EPN2: variants seen among roughly 807,000 people sequenced by gnomAD.
EPN2 encodes epsin 2.
Under a neutral mutation model 61.7 loss-of-function variants are expected in EPN2, and 34 were observed. The ratio of observed to expected loss-of-function variants is 0.55; its 90% CI spans 0.42 to 0.73. The LOEUF is 0.73. EPN2 is among the 30% of genes least tolerant of loss of function. The pLI is 0.00. For synonymous variants in EPN2, 349 were observed against 353.6 expected, an observed-to-expected ratio of 0.99 and a Z score of 0.15; for missense variants, 714 against 839.2, an observed-to-expected ratio of 0.85 and a Z score of 1.84.
intron 4 of EPN2, among the ~76,000 whole-genome samples, chr17:19,300,488 GTGCAATCTCGGCTCAC>G (rs1905433483): frequency 7.1e-6 from 1 of 140,702 alleles, no homozygotes; most frequent in Non-Finnish European, 1.5e-5. Flanking sequence ...GAGTGCAGTG[GTGCAATCTCGGCTCAC>G]TGCAGCCTCC....
At chr17:19,259,935 A>G (rs1038845191) in intron 1 of EPN2, among the ~76,000 whole-genome samples, 2 of 152,188 alleles carry the variant, frequency 1.3e-5, no homozygotes, top group Non-Finnish European at 2.9e-5. Context: ...TGCCTGTTGC[A>G]TACCCACCTC....
chr17:19,321,335 C>A (rs1381158631), intron 7 of EPN2, among the ~76,000 whole-genome samples: 1 of 152,202 alleles, frequency 6.6e-6, no homozygotes, highest in African/African-American at 2.4e-5. Context: ...CTGGTGCCCA[C>A]CTCATAGTCC....
intron 1 of EPN2, among the ~76,000 whole-genome samples, chr17:19,269,498 AT>A (rs1234989859): frequency 6.6e-6 from 1 of 152,228 alleles, no homozygotes; most frequent in Non-Finnish European, 1.5e-5. Flanking sequence ...AAGAGGCATC[AT>A]TTCTTGAGGA....
At chr17:19,325,527 C>T (rs2152237730) in intron 7 of EPN2, among the ~76,000 whole-genome samples, 1 of 152,292 alleles carries the variant, frequency 6.6e-6, no homozygotes, top group South Asian at 2.1e-4. Context: ...ATTCATTAGC[C>T]ATTTATTTCC....
intron 1 of EPN2, among the ~76,000 whole-genome samples, chr17:19,271,216 T>C (rs888883998): frequency 6.6e-6 from 1 of 152,004 alleles, no homozygotes; most frequent in Non-Finnish European, 1.5e-5. Context: ...AAATGTCAGA[T>C]AGAGGAGGGG....
intron 9 of EPN2, among the ~76,000 whole-genome samples, chr17:19,330,414 T>C (rs1907106184): frequency 6.6e-6 from 1 of 152,094 alleles, no homozygotes; most frequent in African/African-American, 2.4e-5. Context: ...CTACCAACTG[T>C]AGCCACAAGC....
intron 1 of EPN2, among the ~76,000 whole-genome samples, chr17:19,270,965 C>T (rs371648862): frequency 2.0e-5 from 3 of 152,064 alleles, no homozygotes; most frequent in African/African-American, 4.8e-5. Context: ...AAATGGAGAC[C>T]GAAAGGGAAA....
At chr17:19,264,386 C>G (rs1195787935) in intron 1 of EPN2, among the ~76,000 whole-genome samples, 1 of 152,166 alleles carries the variant, frequency 6.6e-6, no homozygotes, top group Admixed American at 6.5e-5. Context: ...GGTCAAAGGA[C>G]CAGTGGGACC....
At chr17:19,268,643 A>T (rs1390981590) in intron 1 of EPN2, among the ~76,000 whole-genome samples, 1 of 152,230 alleles carries the variant, frequency 6.6e-6, no homozygotes, top group Non-Finnish European at 1.5e-5. Flanking sequence ...CAGACTCTAG[A>T]AAAAGCTGAC....
At position 19,283,333 on chromosome 17, in the gene EPN2, C is replaced by G; in HGVS notation, c.214C>G (p.Arg72Gly). The G allele has an allele frequency of 6.2e-7, 1 of 1,614,050 alleles. No homozygotes were observed. Residue 72 changes from arginine (R) to glycine (G), a missense_variant, in exon 3 of 11, where the codon CGG becomes GGG. Arg to Gly is a moderately radical substitution (Grantham distance 125, BLOSUM62 -2). This residue lies in a region of EPN2 where 304 missense variants were observed against 417.4 expected (regional missense o/e 0.73). Coordinates refer to ENST00000314728, the MANE Select transcript of EPN2 (RefSeq NM_014964.5). The surrounding 1 kb of genome is among the most constrained non-coding windows in gnomAD (Gnocchi z 7.0). ...GCTGAATGACCATGGCAAGAACTGG[C>G]GGCATGTGTACAAGGCGCTGACCCT... Reference protein sequence around the residue: ...KRLNDHGKNWRHVYKALTLLD... With the variant: ...KRLNDHGKNWGHVYKALTLLD...
intron 1 of EPN2, among the ~76,000 whole-genome samples, chr17:19,268,915 C>A (rs558172255): frequency 1.3e-5 from 2 of 152,194 alleles, no homozygotes; most frequent in Non-Finnish European, 2.9e-5. Context: ...GTGTGTGATA[C>A]AATTATGTTC....
At chr17:19,303,167 G>A (rs1865621170) in intron 4 of EPN2, among the ~76,000 whole-genome samples, 1 of 152,162 alleles carries the variant, frequency 6.6e-6, no homozygotes, top group Non-Finnish European at 1.5e-5. Flanking sequence ...AATAAGTTGT[G>A]GGTATCCTCA....
intron 7 of EPN2, among the ~76,000 whole-genome samples, chr17:19,314,578 C>T (rs970331212): frequency 1.3e-5 from 2 of 152,182 alleles, no homozygotes; most frequent in Non-Finnish European, 2.9e-5. Flanking sequence ...ACTGTCAGCC[C>T]CCGATGCCCT....
chr17:19,272,259 C>T (rs774158300), intron 1 of EPN2, among the ~76,000 whole-genome samples: 1 of 152,172 alleles, frequency 6.6e-6, no homozygotes, highest in Non-Finnish European at 1.5e-5. Flanking sequence ...AGGGTCACAG[C>T]GGCCATCCTC....
intron 4 of EPN2, among the ~76,000 whole-genome samples, chr17:19,288,062 G>A (rs1453174143): frequency 3.3e-5 from 5 of 152,204 alleles, no homozygotes; most frequent in Non-Finnish European, 7.3e-5. Flanking sequence ...CTGAGTCTCA[G>A]CCCCTTTAGA....
chr17:19,259,166 A>G (rs917592123), intron 1 of EPN2, among the ~76,000 whole-genome samples: 4 of 152,348 alleles, frequency 2.6e-5, no homozygotes, highest in South Asian at 2.1e-4. Context: ...AAACCGCCCT[A>G]TAAGGCTTAT....
intron 1 of EPN2, among the ~76,000 whole-genome samples, chr17:19,259,717 G>T (rs895190850): frequency 2.0e-5 from 3 of 152,166 alleles, no homozygotes; most frequent in African/African-American, 7.2e-5. Flanking sequence ...GGCCAGGCTT[G>T]CCTAGTTCCA....
Position 19,334,023 on chromosome 17 carries a change from C to G in EPN2, c.1695C>G (p.Asn565Lys), listed in dbSNP as rs754582375. The G allele has an allele frequency of 6.2e-7, 1 of 1,600,836 alleles. No individual in the cohort carries two copies. The highest frequency in any genetic ancestry group is 1.1e-5 in the South Asian group (1 of 89,092). Residue 565 changes from asparagine to lysine, a missense_variant, in exon 11 of 11, where the codon AAC (asparagine) becomes AAG (lysine). Transcript: ENST00000314728. This position sits in a 1 kb window ranked among gnomAD's most constrained non-coding sequence, Gnocchi z 4.9. ...ACCAGCCCCAGCCGCTGACACTGAA[C>G]CAGCTTCGGGGGAGCCCAGTCCTGG... ...QVNQPQPLTL[N>K]QLRGSPVLGT...
intron 1 of EPN2, among the ~76,000 whole-genome samples, chr17:19,255,721 C>T (rs1347983234): frequency 2.6e-5 from 4 of 151,782 alleles, no homozygotes; most frequent in Non-Finnish European, 4.4e-5. Flanking sequence ...CTCCTGGGCT[C>T]AAACAGTCTT....
Sources: gnomAD v4.1 joint callset for allele counts (sites outside exome capture counted in the v4.1 genomes callset) on GRCh38, gnomAD v4.1.1 for gene constraint, gnomAD v4.1.1 regional missense constraint, Gnocchi (gnomAD v3.1) non-coding constraint, MANE v1.5 for transcripts, NCBI Gene and HGNC (gene_info 2026-07-23, HGNC 2026-07-21) for gene names.